Variants in LIPC observed in about 807,000 individuals in gnomAD.
LIPC encodes hepatic triacylglycerol lipase.
In LIPC, 44 loss-of-function variants were observed where a neutral mutation model predicts 50.7. The observed-to-expected ratio is 0.87, with a 90% CI of 0.68 to 1.11. The LOEUF (loss-of-function observed/expected upper bound fraction) is 1.11, where lower values mean the gene tolerates loss of function less well. Ranked by LOEUF, LIPC falls within the 50% of genes most tolerant of loss-of-function variation. The pLI, the probability that LIPC is intolerant of heterozygous loss-of-function variation, is 0.00. For synonymous variants in LIPC, 271 were observed against 256.4 expected (o/e 1.06, Z -0.54); for missense variants, 697 against 648.2 (o/e 1.08, Z -0.82).
At chr15:58,503,824 C>A (rs1028919807) in intron 1 of LIPC, among the ~76,000 whole-genome samples, 44 of 152,286 alleles carry the variant, frequency 2.9e-4, no homozygotes, top group African/African-American at 1.0e-3. Context: ...GCATGCCAGG[C>A]AGGTCTCCAG....
At chr15:58,440,614 G>T (rs1317877403) in intron 1 of LIPC, among the ~76,000 whole-genome samples, 1 of 152,234 alleles carries the variant, frequency 6.6e-6, no homozygotes, top group Non-Finnish European at 1.5e-5. Context: ...CTTATGGGGT[G>T]TGTGTGGGGG....
At chr15:58,460,028 A>C (rs1894282499) in intron 1 of LIPC, among the ~76,000 whole-genome samples, 1 of 152,202 alleles carries the variant, frequency 6.6e-6, no homozygotes, top group Non-Finnish European at 1.5e-5. Flanking sequence ...GCCCAAAGGG[A>C]AGGCTGTATG....
chr15:58,565,944 T>A (rs1894352102), intron 8 of LIPC: 1 of 981,454 alleles, frequency 1.0e-6, no homozygotes. Flanking sequence ...GAGTTGTGGC[T>A]CTTGGTAGAA....
At chr15:58,565,482 G>T in intron 8 of LIPC, 2 of 1,397,192 alleles carry the variant, frequency 1.4e-6, no homozygotes, top group Non-Finnish European at 1.9e-6. Context: ...GCTCCCACAC[G>T]GGGTGAGCAT....
chr15:58,532,865 C>G (rs1012995664), intron 1 of LIPC, among the ~76,000 whole-genome samples: 1 of 152,168 alleles, frequency 6.6e-6, no homozygotes, highest in African/African-American at 2.4e-5. Flanking sequence ...ACCCTCAAAC[C>G]TAGGAGTTAA....
intron 6 of LIPC, among the ~76,000 whole-genome samples, chr15:58,557,563 T>G (rs1280634000): frequency 6.6e-6 from 1 of 151,902 alleles, no homozygotes; most frequent in Non-Finnish European, 1.5e-5. Context: ...TTTTTGTATT[T>G]TTAGTAGAGA....
In LIPC at chr15:58,568,842, C is replaced by T. The variant is rs763723209; in HGVS notation, c.*15C>T. 1 of 1,456,948 alleles carries T rather than the reference C, an allele frequency of 6.9e-7. No individual in the cohort carries two copies. The highest frequency in any genetic ancestry group is 9.6e-7 in the Non-Finnish European group (1 of 1,044,956). The allele number at this position is 1,456,948 out of a possible 1,614,324, so 90.3% of individuals were successfully genotyped here. ...AGATCAGATGAGATTTAATGAAGAC[C>T]CAGTGTAAAGAATAAATGAATCTTA... On this transcript the variant is annotated 3_prime_UTR_variant, in exon 9 of 9. Coordinates refer to ENST00000299022, the MANE Select transcript of LIPC (RefSeq NM_000236.3).
chr15:58,440,143 A>C (rs1290240622), intron 1 of LIPC, among the ~76,000 whole-genome samples: 1 of 152,264 alleles, frequency 6.6e-6, no homozygotes, highest in Non-Finnish European at 1.5e-5. Context: ...AAAAGAAAGC[A>C]GTCCTTGAAA....
intron 1 of LIPC, among the ~76,000 whole-genome samples, chr15:58,520,630 A>G (rs1373556575): frequency 3.9e-5 from 6 of 152,200 alleles, no homozygotes; most frequent in Admixed American, 2.0e-4. Context: ...CCAAAAAAGG[A>G]AATACGGAGG....
chr15:58,498,945 A>T (rs748596397), intron 1 of LIPC, among the ~76,000 whole-genome samples: 23 of 152,214 alleles, frequency 1.5e-4, no homozygotes, highest in Admixed American at 7.8e-4. Context: ...TCCACAGGGC[A>T]TTGTTGAGTA....
intron 1 of LIPC, among the ~76,000 whole-genome samples, chr15:58,508,475 A>G (rs1892229153): frequency 6.6e-6 from 1 of 152,144 alleles, no homozygotes; most frequent in African/African-American, 2.4e-5. Flanking sequence ...AGGTAGGGAG[A>G]TCATTAACCC....
chr15:58,444,893 A>T (rs1893636400), intron 1 of LIPC, among the ~76,000 whole-genome samples: 1 of 152,250 alleles, frequency 6.6e-6, no homozygotes, highest in Admixed American at 6.5e-5. Flanking sequence ...GGAAACTGCA[A>T]ATCTCTCTTT....
chr15:58,518,817 C>T (rs540644000), intron 1 of LIPC, among the ~76,000 whole-genome samples: 3 of 152,088 alleles, frequency 2.0e-5, no homozygotes, highest in South Asian at 2.1e-4. Context: ...GGTGGTGTTG[C>T]CTGGAGACAC....
intron 1 of LIPC, among the ~76,000 whole-genome samples, chr15:58,449,524 G>A (rs1217209764): frequency 1.3e-5 from 2 of 151,808 alleles, no homozygotes; most frequent in Non-Finnish European, 2.9e-5. Context: ...CATGCAGGTT[G>A]CTGGGAGGAA....
At chr15:58,523,916 C>G (rs142642245) in intron 1 of LIPC, among the ~76,000 whole-genome samples, 2 of 152,088 alleles carry the variant, frequency 1.3e-5, no homozygotes, top group East Asian at 1.9e-4. Context: ...GGCAACAGAG[C>G]CAGAACTTGT....
chr15:58,554,946 C>T (rs758329007), intron 6 of LIPC, among the ~76,000 whole-genome samples: 2 of 152,194 alleles, frequency 1.3e-5, no homozygotes, highest in African/African-American at 2.4e-5. Context: ...GCGCAGGTTC[C>T]GTCCCCAGCC....
intron 1 of LIPC, among the ~76,000 whole-genome samples, chr15:58,449,564 T>A (rs1389585910): frequency 2.6e-5 from 4 of 152,120 alleles, no homozygotes; most frequent in Non-Finnish European, 5.9e-5. Flanking sequence ...TTCTTTTTTT[T>A]TTTTTTAAGA....
rs540010321 is a variant in LIPC at position 58,540,755 on chromosome 15, T to C, written c.274-1030T>C. On this transcript the variant is annotated intron_variant, in intron 2 of 8. Transcript: ENST00000299022. ...ACTGTTCCTTCTGCCTGGGATGCCC[T>C]AGACCTCACCACTACCACATTCACC... Among the ~76,000 whole-genome samples the C allele has an allele frequency of 3.9e-5, 6 of 152,298 alleles. No individual in the cohort carries two copies. In the South Asian group the frequency reaches 1.2e-3, roughly 32 times the overall value.
chr15:58,446,072 A>G (rs796839688), intron 1 of LIPC, among the ~76,000 whole-genome samples: 78 of 152,332 alleles, frequency 5.1e-4, no homozygotes, highest in African/African-American at 1.9e-3. Flanking sequence ...GTGCATATTT[A>G]TATGTGTGTG....
Sources: gnomAD v4.1 joint callset for allele counts (sites outside exome capture counted in the v4.1 genomes callset) on GRCh38, gnomAD v4.1.1 for gene constraint, MANE v1.5 for transcripts, NCBI Gene and HGNC (gene_info 2026-07-23, HGNC 2026-07-21) for gene names.